The following SOX6 variants were observed in gnomAD, a reference collection of about 807,000 sequenced individuals.
The protein encoded by SOX6 is SRY-box transcription factor 6.
SOX6 carries 11 observed loss-of-function variants against 97.8 expected under a neutral mutation model. The ratio of observed to expected loss-of-function variants is 0.11; its 90% CI spans 0.07 to 0.19. The LOEUF is 0.19. Among genes scored for constraint, SOX6 ranks in the 10% least tolerant of loss-of-function variants. SOX6 has a pLI of 1.00. For synonymous variants in SOX6, 360 were observed against 371.4 expected (o/e 0.97, Z 0.35); for missense variants, 810 against 1,039.5 (o/e 0.78, Z 3.04).
chr11:16,366,071 T>C (rs1468607157), intron 1 of SOX6, among the ~76,000 whole-genome samples: 1 of 152,120 alleles, frequency 6.6e-6, no homozygotes, highest in Non-Finnish European at 1.5e-5. Flanking sequence ...ATGACTTTAT[T>C]AATAAAGCCA....
At chr11:16,342,980 A>G (rs536438743) in intron 1 of SOX6, among the ~76,000 whole-genome samples, 14 of 152,026 alleles carry the variant, frequency 9.2e-5, no homozygotes, top group African/African-American at 3.1e-4. Context: ...TTGAGAAGAA[A>G]TGAATTAAAT....
chr11:16,605,608 T>G lies in SOX6; in HGVS notation n.609+6473A>C, dbSNP rs1186819560. On this transcript the variant is annotated intron_variant and non_coding_transcript_variant, in intron 4 of 5. Coordinates refer to the SOX6 transcript ENST00000524520. The surrounding 1 kb of genome is among the most constrained non-coding windows in gnomAD (Gnocchi z 5.3). ...CAAGCGTTTTCTAGCGACCCGGGTT[T>G]TCTTCATGAACTCCTCCGAGTAAAC... Among the ~76,000 whole-genome samples, 1 of 151,872 alleles carries G rather than the reference T, an allele frequency of 6.6e-6. No individual in the cohort carries two copies. Among genetic ancestry groups the G allele is most frequent in the African/African-American group, 2.4e-5 (1 of 41,356 alleles).
intron 4 of SOX6, among the ~76,000 whole-genome samples, chr11:16,198,768 G>A (rs1006725952): frequency 2.0e-5 from 3 of 152,180 alleles, no homozygotes; most frequent in Non-Finnish European, 2.9e-5. Flanking sequence ...CAGAAGGATT[G>A]TAGAGGGAGC....
intron 1 of SOX6, among the ~76,000 whole-genome samples, chr11:16,366,097 G>C (rs1254048186): frequency 6.6e-6 from 1 of 152,112 alleles, no homozygotes. Flanking sequence ...TAACAAATAA[G>C]ATTCTGGGAA....
At chr11:16,237,031 G>T (rs61881740) in intron 3 of SOX6, among the ~76,000 whole-genome samples, 23,162 of 151,868 alleles carry the variant, frequency 0.15, 1,934 homozygotes, top group South Asian at 0.19. Flanking sequence ...TACATTTTCA[G>T]CCATGAAAAT....
At chr11:16,186,109 T>C (rs1466417736) in intron 5 of SOX6, among the ~76,000 whole-genome samples, 2 of 152,206 alleles carry the variant, frequency 1.3e-5, no homozygotes, top group Non-Finnish European at 2.9e-5. Flanking sequence ...GACATACATT[T>C]AAACTTTGCT....
At chr11:16,370,021 T>TA (rs951581617) in intron 1 of SOX6, among the ~76,000 whole-genome samples, 1 of 152,088 alleles carries the variant, frequency 6.6e-6, no homozygotes, top group Non-Finnish European at 1.5e-5. Context: ...CCCTCGCAAG[T>TA]ACCAGCACCA....
chr11:16,451,471 AAACACCACATAGTATTATCCAGC>A (rs1197915562), intron 1 of SOX6, among the ~76,000 whole-genome samples: 1 of 152,166 alleles, frequency 6.6e-6, no homozygotes, highest in Non-Finnish European at 1.5e-5. Context: ...ACATGCTAGT[AAACACCACATAGTATTATCCAGC>A]CACATTATGG....
In SOX6 at chr11:16,259,961, G is replaced by A. The variant is rs1178953118; in HGVS notation, c.446-25290C>T. 2.6e-5 allele frequency among the ~76,000 whole-genome samples: 4 copies of A among 152,070 alleles called. No individual in the cohort carries two copies. The South Asian group carries it at 8.3e-4, about 32-fold the overall frequency. ...GTCCCAAATATGTGTGTGTGTGTGT[G>A]TGTGTGTGTGTGTATATATACACAT... On this transcript the variant is annotated intron_variant, in intron 3 of 15. Transcript: ENST00000683767.
intron 1 of SOX6, among the ~76,000 whole-genome samples, chr11:16,475,797 A>T (rs4590834): frequency 0.01 from 1,539 of 151,710 alleles, 21 homozygotes; most frequent in African/African-American, 0.032. Flanking sequence ...TAATTTGCTT[A>T]AAAAAAAATC....
chr11:16,051,836 A>G (rs185083398), intron 10 of SOX6, among the ~76,000 whole-genome samples: 89 of 152,156 alleles, frequency 5.8e-4, no homozygotes, highest in African/African-American at 2.0e-3. Flanking sequence ...TGGGCCTCTA[A>G]TTGCATACAT....
At chr11:16,429,804 T>C (rs11023942) in intron 1 of SOX6, among the ~76,000 whole-genome samples, 30,859 of 151,990 alleles carry the variant, frequency 0.2, 3,387 homozygotes, top group Admixed American at 0.32. Flanking sequence ...GTAACAAACA[T>C]GTACACTTGA....
In SOX6 at chr11:16,640,428, A is replaced by G. The variant is rs190179212; in HGVS notation, n.430-28168T>C. On this transcript the variant is annotated intron_variant and non_coding_transcript_variant, in intron 3 of 5. Coordinates refer to the SOX6 transcript ENST00000524520. ...ATCAGGATGACGCTGGCCTTATAAA[A>G]TGAGTTAGGGAGGATTCCCTCTTTT... Among the ~76,000 whole-genome samples the G allele has an allele frequency of 4.4e-3, 672 of 152,334 alleles. 3 individuals are homozygous for G. Among genetic ancestry groups the G allele is most frequent in the Non-Finnish European group, 7.9e-3 (539 of 68,026 alleles).
intron 1 of SOX6, among the ~76,000 whole-genome samples, chr11:16,376,464 T>C (rs775638584): frequency 3.3e-5 from 5 of 152,122 alleles, no homozygotes; most frequent in African/African-American, 9.7e-5. Context: ...ACATAATCCA[T>C]GCATGTTTGA....
intron 4 of SOX6, among the ~76,000 whole-genome samples, chr11:16,562,369 A>C (rs1589986439): frequency 6.6e-6 from 1 of 152,214 alleles, no homozygotes; most frequent in South Asian, 2.1e-4. Flanking sequence ...GAGCTAAAGA[A>C]GCCAGCAACC....
chr11:16,480,659 T>A (rs1331011455), upstream of SOX6, among the ~76,000 whole-genome samples: 1 of 142,276 alleles, frequency 7.0e-6, no homozygotes, highest in African/African-American at 2.5e-5. Flanking sequence ...CCCCCCCACC[T>A]TCTTTTTATT....
At chr11:16,360,861 G>A (rs953241295), upstream of SOX6, among the ~76,000 whole-genome samples, 1 of 151,924 alleles carries the variant, frequency 6.6e-6, no homozygotes, top group Non-Finnish European at 1.5e-5. Context: ...AAGTTGGCCG[G>A]GCATGGTGGC....
intron 1 of SOX6, among the ~76,000 whole-genome samples, chr11:16,440,693 A>G (rs945980202): frequency 6.6e-6 from 1 of 152,168 alleles, no homozygotes; most frequent in East Asian, 1.9e-4. Flanking sequence ...AGCAAGTTTA[A>G]CAAAGATAAA....
At chr11:16,651,911 G>C (rs909282666) in intron 3 of SOX6, among the ~76,000 whole-genome samples, 1 of 151,774 alleles carries the variant, frequency 6.6e-6, no homozygotes, top group Non-Finnish European at 1.5e-5. Flanking sequence ...GATCTGATAA[G>C]TAAAGCTTCA....
Sources: allele counts gnomAD v4.1 joint callset (sites outside exome capture counted in the v4.1 genomes callset), GRCh38; gene constraint gnomAD v4.1.1; non-coding constraint Gnocchi (gnomAD v3.1); transcripts MANE v1.5; gene names NCBI Gene and HGNC (gene_info 2026-07-23, HGNC 2026-07-21).